DGKD: variants seen among roughly 807,000 people sequenced by gnomAD.
DGKD encodes the protein diacylglycerol kinase delta.
DGKD carries 68 observed loss-of-function variants against 154.4 expected under a neutral mutation model. The observed-to-expected ratio is 0.44, with a 90% CI of 0.36 to 0.54. DGKD has a LOEUF of 0.54. Among genes scored for constraint, DGKD ranks in the 20% least tolerant of loss-of-function variants. The pLI, the probability that DGKD is intolerant of heterozygous loss-of-function variation, is 0.00. For synonymous variants in DGKD, 693 were observed against 638.0 expected (o/e 1.09, Z -1.30); for missense variants, 1,343 against 1,593.6 (o/e 0.84, Z 2.68).
intron 29 of DGKD, among the ~76,000 whole-genome samples, chr2:233,469,159 A>T (rs966194046): frequency 3.3e-5 from 5 of 152,190 alleles, no homozygotes; most frequent in East Asian, 3.8e-4. Context: ...GTCCTTGCTG[A>T]TGGTAGTGAC....
At position 233,451,196 on chromosome 2, in the gene DGKD, T is replaced by A. The variant is rs942963122; in HGVS notation, c.2167+146T>A. ...GAATTGAAAAATTTACACGACTGTA[T>A]GAAAAGTGCTTTTTTTTTTTTTTTA... On this transcript the variant is annotated intron_variant, in intron 17 of 29. Transcript: ENST00000264057. 6.8e-6 allele frequency: 6 copies of A among 877,480 alleles called. No individual in the cohort carries two copies. The African/African-American group carries it at 1.0e-4, about 15-fold the overall frequency. The allele number at this position is 877,480 out of a possible 1,614,324, so 54.4% of individuals were successfully genotyped here.
chr2:233,398,440 C>T (rs13406734), intron 3 of DGKD, among the ~76,000 whole-genome samples: 2,226 of 152,136 alleles, frequency 0.015, 53 homozygotes, highest in African/African-American at 0.05. Context: ...CCACCGCGCC[C>T]GGCCAATAGG....
chr2:233,364,073 G>A (rs541476172), intron 1 of DGKD, among the ~76,000 whole-genome samples: 4 of 152,340 alleles, frequency 2.6e-5, no homozygotes, highest in Non-Finnish European at 5.9e-5. Context: ...CTGGGCAACA[G>A]AGCGAGACTT....
At chr2:233,467,671 C>T (rs547031580) in intron 28 of DGKD, among the ~76,000 whole-genome samples, 1 of 152,290 alleles carries the variant, frequency 6.6e-6, no homozygotes, top group East Asian at 1.9e-4. Flanking sequence ...TCCTGAAGGA[C>T]ATTGTTCCTT....
In DGKD at chr2:233,445,129, G is replaced by A. The variant is rs1311039427; in HGVS notation, c.1195-494G>A. Reference sequence around the variant, plus strand: ...AGCCTCCAGACTGAGGATGGTCCTGGCACCTTTTTTGGATAGGATTTAGAG... The same window carrying A: ...AGCCTCCAGACTGAGGATGGTCCTGACACCTTTTTTGGATAGGATTTAGAG... On this transcript the variant is annotated intron_variant, in intron 10 of 29. Transcript: ENST00000264057. The surrounding 1 kb of genome is among the most constrained non-coding windows in gnomAD (Gnocchi z 5.5). Among the ~76,000 whole-genome samples the A allele has an allele frequency of 6.6e-6, 1 of 152,156 alleles. No individual in the cohort carries two copies. The highest frequency in any genetic ancestry group is 1.9e-4 in the East Asian group (1 of 5,186).
intron 1 of DGKD, among the ~76,000 whole-genome samples, chr2:233,357,074 A>C (rs1701560303): frequency 6.6e-6 from 1 of 152,194 alleles, no homozygotes. Context: ...GCCACCCCTA[A>C]GTTGGAGGGT....
At chr2:233,460,101 C>T (rs879120109) in intron 23 of DGKD, 93 bp from the exon 24 acceptor site, 2 of 1,528,834 alleles carry the variant, frequency 1.3e-6, no homozygotes, top group Non-Finnish European at 8.8e-7. Flanking sequence ...TTGTCTCTTT[C>T]TAGTTGTGAT....
chr2:233,436,730 C>T (rs980192155), intron 7 of DGKD, among the ~76,000 whole-genome samples: 1 of 152,248 alleles, frequency 6.6e-6, no homozygotes, highest in African/African-American at 2.4e-5. Flanking sequence ...TGAGGGGTCA[C>T]CTGGGACAAT....
chr2:233,463,447 C>G lies in DGKD; in HGVS notation c.3186+712C>G, dbSNP rs560928924. 6.7e-4 allele frequency among the ~76,000 whole-genome samples: 79 copies of G among 118,770 alleles called. No homozygotes were observed. In the South Asian group the frequency reaches 0.013, roughly 19 times the overall value. 77.9% of individuals were successfully genotyped at this position (118,770 alleles called of 152,430 possible). The stretch of plus-strand genomic sequence containing the variant: ...CCACGCATCTCCTCACTCCACGCAT[C>G]TCCTCACTCCACGCATGTCCTCACT... On this transcript the variant is annotated intron_variant, in intron 26 of 29. Transcript: ENST00000264057.
At chr2:233,398,064 C>G (rs1332960825) in intron 3 of DGKD, among the ~76,000 whole-genome samples, 1 of 146,656 alleles carries the variant, frequency 6.8e-6, no homozygotes, top group Non-Finnish European at 1.5e-5. Flanking sequence ...TTACTTGCAA[C>G]CTCCCCTCCC....
chr2:233,369,155 G>A (rs1574985832), intron 1 of DGKD, among the ~76,000 whole-genome samples: 2 of 152,098 alleles, frequency 1.3e-5, no homozygotes, highest in Non-Finnish European at 2.9e-5. Context: ...TTTTTTGGGG[G>A]GAGGTTCTCA....
intron 1 of DGKD, among the ~76,000 whole-genome samples, chr2:233,357,537 CT>C (rs374813757): frequency 0.095 from 12,243 of 129,110 alleles, 616 homozygotes; most frequent in African/African-American, 0.2. Context: ...TTCTTTCTTT[CT>C]TTTTTTTTTT....
rs572659649 is a variant in DGKD at position 233,444,418 on chromosome 2, C to T, written c.1195-1205C>T. 8.6e-5 allele frequency among the ~76,000 whole-genome samples: 13 copies of T among 151,910 alleles called. No homozygotes were observed. In the South Asian group the frequency reaches 1.2e-3, roughly 15 times the overall value. ...CGATGCTTCTGGGAAAAGTCCAGAC[C>T]TTTAAGAGTCCCAGCTTTGCCTCCT... On this transcript the variant is annotated intron_variant, in intron 10 of 29. Transcript: ENST00000264057.
At position 233,381,157 on chromosome 2, in the gene DGKD, G is replaced by A. The variant is rs542595583; in HGVS notation, c.157-7100G>A. 3.9e-5 allele frequency among the ~76,000 whole-genome samples: 6 copies of A among 152,286 alleles called. No individual in the cohort carries two copies. The South Asian group carries it at 1.0e-3, about 26-fold the overall frequency. ...CTGCAGTGCGGCAGTTGCCCGGTGC[G>A]CTCTCTCCTGCTGGCCGTTGGTGTC... On this transcript the variant is annotated intron_variant, in intron 1 of 29. Transcript: ENST00000264057.
intron 3 of DGKD, among the ~76,000 whole-genome samples, chr2:233,424,125 G>A (rs931142632): frequency 3.3e-5 from 5 of 152,182 alleles, no homozygotes; most frequent in African/African-American, 7.2e-5. Context: ...CGTCATGACC[G>A]TTGGACCGTT....
intron 6 of DGKD, among the ~76,000 whole-genome samples, 173 bp downstream of exon 6, chr2:233,436,097 G>A (rs542238286): frequency 2.0e-5 from 3 of 152,312 alleles, no homozygotes; most frequent in African/African-American, 4.8e-5. Context: ...TCGCACCCCC[G>A]AGCTCCATCC....
At chr2:233,431,638 G>C (rs1207136512) in intron 3 of DGKD, among the ~76,000 whole-genome samples, 1 of 152,152 alleles carries the variant, frequency 6.6e-6, no homozygotes, top group African/African-American at 2.4e-5. Flanking sequence ...CAGAACAATG[G>C]AACAGAATAG....
intron 1 of DGKD, among the ~76,000 whole-genome samples, chr2:233,374,924 C>T (rs1388813168): frequency 2.6e-5 from 4 of 152,182 alleles, no homozygotes; most frequent in Admixed American, 1.3e-4. Flanking sequence ...CTGCCTCGTC[C>T]TCCCAAAGTG....
Position 233,445,580 on chromosome 2 carries a change from C to T in DGKD, c.1195-43C>T. ...GCTGCGGGCTGGGAAGTGGCCCCTG[C>T]CCCCAGGTGTTTGCCTGCGCATCGT... On this transcript the variant is annotated intron_variant, in intron 10 of 29. Coordinates refer to ENST00000264057, the MANE Select transcript of DGKD (RefSeq NM_152879.3). This position sits in a 1 kb window ranked among gnomAD's most constrained non-coding sequence, Gnocchi z 5.5. The T allele has an allele frequency of 6.5e-7, 1 of 1,548,244 alleles. No homozygotes were observed. Among genetic ancestry groups the T allele is most frequent in the Non-Finnish European group, 8.7e-7 (1 of 1,145,442 alleles).
Sources: gnomAD v4.1 joint callset for allele counts (sites outside exome capture counted in the v4.1 genomes callset) on GRCh38, gnomAD v4.1.1 for gene constraint, Gnocchi (gnomAD v3.1) non-coding constraint, MANE v1.5 for transcripts, NCBI Gene and HGNC (gene_info 2026-07-23, HGNC 2026-07-21) for gene names.